The following LUZP2 variants were observed in gnomAD, a reference collection of about 807,000 sequenced individuals.
LUZP2 encodes leucine zipper protein 2.
A neutral mutation model predicts 51.6 loss-of-function variants in LUZP2; 52 were observed. That is an observed-to-expected ratio of 1.01 (90% CI 0.81 to 1.27). LUZP2 has a LOEUF of 1.27. Ranked by LOEUF, LUZP2 falls within the 50% of genes most tolerant of loss-of-function variation. LUZP2 has a pLI of 0.00. For synonymous variants in LUZP2, 154 were observed against 137.3 expected (o/e 1.12, Z -0.85); for missense variants, 436 against 395.4 (o/e 1.10, Z -0.87).
chr11:25,066,246 C>T (rs1167809248), intron 10 of LUZP2, among the ~76,000 whole-genome samples: 2 of 151,828 alleles, frequency 1.3e-5, no homozygotes, highest in East Asian at 1.9e-4. Context: ...GGCAAATTTT[C>T]ATTCACTGTG....
intron 1 of LUZP2, among the ~76,000 whole-genome samples, chr11:24,690,793 AC>A (rs1428421540): frequency 6.6e-6 from 1 of 152,074 alleles, no homozygotes; most frequent in Non-Finnish European, 1.5e-5. Flanking sequence ...AGGCTAGTAG[AC>A]TAAACAGGAA....
intron 9 of LUZP2, among the ~76,000 whole-genome samples, chr11:24,998,312 G>T (rs185619317): frequency 0.03 from 4,448 of 150,516 alleles, 197 homozygotes; most frequent in African/African-American, 0.096. Flanking sequence ...GTGGTTTGTA[G>T]TTCTCCTTGA....
At chr11:24,631,490 C>T (rs1854887682) in intron 1 of LUZP2, among the ~76,000 whole-genome samples, 1 of 150,366 alleles carries the variant, frequency 6.7e-6, no homozygotes, top group Non-Finnish European at 1.5e-5. Flanking sequence ...TAGTTTTTAT[C>T]CTTAGTCCTG....
chr11:24,880,706 G>A lies in LUZP2; in HGVS notation c.397-25285G>A, dbSNP rs79893382. 6.8e-3 allele frequency among the ~76,000 whole-genome samples: 1,032 copies of A among 152,050 alleles called. 15 individuals are homozygous for A. The highest frequency in any genetic ancestry group is 0.057 in the East Asian group (294 of 5,164). On this transcript the variant is annotated intron_variant, in intron 5 of 11. Transcript: ENST00000336930. Reference sequence around the variant, plus strand: ...GTAGGTTGTCTCCAATTCTCTACACGTGTTAGATTATAAATTTCTAGATGG... The same window carrying A: ...GTAGGTTGTCTCCAATTCTCTACACATGTTAGATTATAAATTTCTAGATGG...
intron 10 of LUZP2, among the ~76,000 whole-genome samples, chr11:25,076,550 A>T (rs1859303340): frequency 6.7e-6 from 1 of 148,780 alleles, no homozygotes; most frequent in Admixed American, 6.7e-5. Context: ...GAAGGAAGAG[A>T]GGAGGGAAGG....
chr11:24,891,822 C>T (rs1469934745), intron 5 of LUZP2: 31 of 976,082 alleles, frequency 3.2e-5, no homozygotes, highest in South Asian at 4.7e-5. Flanking sequence ...AATTGGGATA[C>T]GCTGCAACAC....
In LUZP2 at chr11:24,766,842, A is replaced by C. The variant is rs538315519; in HGVS notation, c.396+3534A>C. Among the ~76,000 whole-genome samples the C allele has an allele frequency of 9.4e-3, 1,434 of 152,254 alleles. 18 individuals carry two copies. Among genetic ancestry groups the C allele is most frequent in the African/African-American group, 0.032 (1,342 of 41,544 alleles). ...AGTGGCGCGATCTCAGCTCACTGCA[A>C]CCTCCACCTCTTGGGTTCAAGTGAT... On this transcript the variant is annotated intron_variant, in intron 5 of 11. Transcript: ENST00000336930.
At chr11:24,919,509 TAATC>T (rs201347188) in intron 7 of LUZP2, among the ~76,000 whole-genome samples, 2,737 of 130,896 alleles carry the variant, frequency 0.021, 142 homozygotes, top group African/African-American at 0.025. Flanking sequence ...TATATATTCA[TAATC>T]TATATATTCT....
intron 5 of LUZP2, among the ~76,000 whole-genome samples, chr11:24,901,594 C>G (rs1440163642): frequency 6.6e-6 from 1 of 152,162 alleles, no homozygotes; most frequent in Non-Finnish European, 1.5e-5. Context: ...GTTCGCTCTT[C>G]AAATGGGCCT....
At chr11:24,658,294 T>C (rs1402887155) in intron 1 of LUZP2, among the ~76,000 whole-genome samples, 3 of 152,156 alleles carry the variant, frequency 2.0e-5, no homozygotes, top group Non-Finnish European at 2.9e-5. Flanking sequence ...ATCTGATCTT[T>C]GACAAATCTG....
intron 5 of LUZP2, among the ~76,000 whole-genome samples, chr11:24,771,089 C>T (rs1416951212): frequency 7.9e-5 from 12 of 152,192 alleles, no homozygotes; most frequent in East Asian, 5.8e-4. Context: ...GACCTAGAGC[C>T]GCAATGAATT....
At chr11:25,010,424 T>C (rs1590830938) in intron 9 of LUZP2, among the ~76,000 whole-genome samples, 1 of 152,184 alleles carries the variant, frequency 6.6e-6, no homozygotes, top group East Asian at 1.9e-4. Context: ...GGGATTCACC[T>C]GTCATCCTAG....
chr11:24,992,454 GT>G (rs1856378413), intron 9 of LUZP2, among the ~76,000 whole-genome samples: 1 of 152,072 alleles, frequency 6.6e-6, no homozygotes, highest in South Asian at 2.1e-4. Flanking sequence ...GCTGCTGGCT[GT>G]TTTAATGGAA....
chr11:24,610,305 C>G (rs1035208125), intron 1 of LUZP2, among the ~76,000 whole-genome samples: 9 of 152,044 alleles, frequency 5.9e-5, no homozygotes, highest in Admixed American at 1.3e-4. Flanking sequence ...ACATCTAGGA[C>G]TGAAGAAAAC....
chr11:24,926,419 ATAT>A (rs1262999388), intron 7 of LUZP2, among the ~76,000 whole-genome samples: 2 of 142,070 alleles, frequency 1.4e-5, no homozygotes, highest in Non-Finnish European at 3.0e-5. Context: ...GTGTGTATAT[ATAT>A]GTGTGTATAT....
intron 1 of LUZP2, among the ~76,000 whole-genome samples, chr11:24,694,571 G>A (rs887232964): frequency 6.6e-6 from 1 of 152,040 alleles, no homozygotes; most frequent in African/African-American, 2.4e-5. Context: ...CCATTACTGG[G>A]TATATACCCA....
intron 1 of LUZP2, among the ~76,000 whole-genome samples, chr11:24,662,910 G>A (rs564603449): frequency 2.0e-5 from 3 of 152,060 alleles, no homozygotes; most frequent in African/African-American, 7.2e-5. Flanking sequence ...ATACAAGTGT[G>A]AGACAGTTAA....
chr11:25,007,810 A>G (rs1856874182), intron 9 of LUZP2, among the ~76,000 whole-genome samples: 1 of 152,180 alleles, frequency 6.6e-6, no homozygotes, highest in African/African-American at 2.4e-5. Flanking sequence ...TTAATCATGA[A>G]TATATAAAAT....
At chr11:25,052,654 T>G (rs1359023623) in intron 10 of LUZP2, among the ~76,000 whole-genome samples, 1 of 152,196 alleles carries the variant, frequency 6.6e-6, no homozygotes, top group Non-Finnish European at 1.5e-5. Context: ...GCTTCCATTT[T>G]AATGTAGCAG....
Sources: allele counts gnomAD v4.1 joint callset (sites outside exome capture counted in the v4.1 genomes callset), GRCh38; gene constraint gnomAD v4.1.1; transcripts MANE v1.5; gene names NCBI Gene and HGNC (gene_info 2026-07-23, HGNC 2026-07-21).